SPATA17: variants seen among roughly 807,000 people sequenced by gnomAD.
SPATA17 encodes the protein spermatogenesis associated 17.
In SPATA17, 53 loss-of-function variants were observed where a neutral mutation model predicts 62.2. The ratio of observed to expected loss-of-function variants is 0.85; its 90% confidence interval spans 0.68 to 1.07. The LOEUF (loss-of-function observed/expected upper bound fraction) is 1.07. SPATA17 is among the 50% of genes least tolerant of loss of function. The pLI is 0.00. For missense variants in SPATA17, 466 were observed against 425.5 expected (o/e 1.10, Z -0.84); for synonymous variants, 146 against 146.8 (o/e 0.99, Z 0.04).
chr1:217,762,761 C>T (rs1252199701), intron 6 of SPATA17, among the ~76,000 whole-genome samples: 2 of 152,168 alleles, frequency 1.3e-5, no homozygotes, highest in African/African-American at 4.8e-5. Context: ...CACCTGAGGT[C>T]AGGAGTTTGA....
intron 3 of SPATA17, among the ~76,000 whole-genome samples, chr1:217,656,189 G>A (rs896821799): frequency 3.9e-5 from 6 of 152,048 alleles, no homozygotes; most frequent in Admixed American, 6.6e-5. Context: ...AGGCTGAGAC[G>A]TCTTTTTAAT....
chr1:217,701,148 T>C (rs539913475), intron 5 of SPATA17, among the ~76,000 whole-genome samples: 4 of 151,126 alleles, frequency 2.6e-5, no homozygotes, highest in Non-Finnish European at 4.4e-5. Context: ...CTAGTTTTTG[T>C]ATTTTTTGTG....
rs903715695 is a variant in SPATA17 at position 217,846,690 on chromosome 1, A to G, written c.1006-16084A>G. The stretch of plus-strand genomic sequence containing the variant: ...CACATCAGAACGTCATGTTATATAT[A>G]CTTGCTACTTTTGTACCTGATTTAT... On this transcript the variant is annotated intron_variant, in intron 9 of 10. Coordinates refer to ENST00000366933, the MANE Select transcript of SPATA17 (RefSeq NM_138796.4). Among the ~76,000 whole-genome samples, 3 of 151,982 alleles carry G rather than the reference A, an allele frequency of 2.0e-5. No individual in the cohort carries two copies. The East Asian group carries it at 5.8e-4, about 29-fold the overall frequency.
At chr1:217,699,413 C>A in intron 5 of SPATA17, among the ~76,000 whole-genome samples, 1 of 152,094 alleles carries the variant, frequency 6.6e-6, no homozygotes, top group East Asian at 1.9e-4. Flanking sequence ...TAGGTATGTA[C>A]TGATACATTC....
chr1:217,837,727 C>T (rs1675293760), intron 9 of SPATA17, among the ~76,000 whole-genome samples: 1 of 152,044 alleles, frequency 6.6e-6, no homozygotes, highest in South Asian at 2.1e-4. Context: ...CTTACATTAT[C>T]TTCACTGATT....
At chr1:217,819,984 A>T (rs547924281) in intron 9 of SPATA17, among the ~76,000 whole-genome samples, 74 of 152,180 alleles carry the variant, frequency 4.9e-4, no homozygotes, top group African/African-American at 1.8e-3. Context: ...TACCCCAGAG[A>T]AAAAGGTCAT....
At chr1:217,653,527 A>G (rs944096484) in intron 3 of SPATA17, among the ~76,000 whole-genome samples, 58 of 152,212 alleles carry the variant, frequency 3.8e-4, no homozygotes, top group Non-Finnish European at 4.0e-4. Flanking sequence ...AGTTAAATAT[A>G]TACTCTTCTA....
At chr1:217,860,402 G>A (rs1675875156) in intron 9 of SPATA17, among the ~76,000 whole-genome samples, 2 of 152,076 alleles carry the variant, frequency 1.3e-5, no homozygotes, top group Non-Finnish European at 2.9e-5. Flanking sequence ...GTCTATAGAT[G>A]TCAATTATAT....
intron 5 of SPATA17, among the ~76,000 whole-genome samples, chr1:217,712,965 G>A (rs1390613441): frequency 1.3e-5 from 2 of 152,110 alleles, no homozygotes; most frequent in South Asian, 4.1e-4. Context: ...GACTTGCAGG[G>A]CAATGCAGCT....
intron 5 of SPATA17, among the ~76,000 whole-genome samples, chr1:217,711,985 A>G (rs1040052307): frequency 6.6e-6 from 1 of 152,138 alleles, no homozygotes; most frequent in Non-Finnish European, 1.5e-5. Flanking sequence ...TAGATCCAGC[A>G]GTACATTTTT....
intron 6 of SPATA17, among the ~76,000 whole-genome samples, chr1:217,757,543 C>G (rs1361129053): frequency 6.6e-6 from 1 of 152,158 alleles, no homozygotes; most frequent in African/African-American, 2.4e-5. Flanking sequence ...TGCAAACCCA[C>G]TCCTTCTTCC....
chr1:217,677,084 T>C lies in SPATA17; in HGVS notation c.292-6174T>C, dbSNP rs891870434. On this transcript the variant is annotated intron_variant, in intron 4 of 10. Transcript: ENST00000366933. ...TTTGTTCAGATTGAAATGCTCACAT[T>C]TAGGGAAACAGAAGCAATAGTAACA... 2.6e-5 allele frequency among the ~76,000 whole-genome samples: 4 copies of C among 152,080 alleles called. No individual in the cohort carries two copies. In the South Asian group the frequency reaches 8.3e-4, roughly 31 times the overall value.
chr1:217,854,924 A>G (rs765518920), intron 9 of SPATA17, among the ~76,000 whole-genome samples: 5 of 152,212 alleles, frequency 3.3e-5, no homozygotes, highest in Non-Finnish European at 7.3e-5. Context: ...ACATTTGTCA[A>G]GTCCCTACTT....
chr1:217,690,333 T>A (rs1215353161), intron 5 of SPATA17, among the ~76,000 whole-genome samples: 2 of 152,126 alleles, frequency 1.3e-5, no homozygotes, highest in African/African-American at 2.4e-5. Context: ...CTCTGGATAG[T>A]TTCTTCAGAT....
intron 7 of SPATA17, 125 bp from the exon 8 acceptor site, chr1:217,782,049 A>T (rs1673739460): frequency 1.1e-6 from 1 of 895,706 alleles, no homozygotes; most frequent in African/African-American, 1.7e-5. Flanking sequence ...AGCGAAGAAC[A>T]AATGGTGTTT....
rs138277978 is a variant in SPATA17, at chr1:217,798,769, A to T, written c.873-2949A>T. Among the ~76,000 whole-genome samples, 324 of 151,974 alleles carry T rather than the reference A, an allele frequency of 2.1e-3. 2 individuals carry two copies. The highest frequency in any genetic ancestry group is 7.4e-3 in the African/African-American group (305 of 41,456). Reference sequence around the variant, plus strand: ...ATTCTCAGTTGCATGGAGATGCAACATCCATCATAGAGAAGTTAAGTAAGA... The same window carrying T: ...ATTCTCAGTTGCATGGAGATGCAACTTCCATCATAGAGAAGTTAAGTAAGA... On this transcript the variant is annotated intron_variant, in intron 8 of 10. Coordinates refer to ENST00000366933, the MANE Select transcript of SPATA17 (RefSeq NM_138796.4).
chr1:217,738,643 A>G (rs1672564550), intron 5 of SPATA17, among the ~76,000 whole-genome samples: 1 of 152,254 alleles, frequency 6.6e-6, no homozygotes, highest in Admixed American at 6.5e-5. Context: ...TGTTATAACC[A>G]GGTGCCATTT....
intron 3 of SPATA17, among the ~76,000 whole-genome samples, chr1:217,662,951 G>T (rs938430489): frequency 3.3e-5 from 5 of 151,856 alleles, no homozygotes; most frequent in African/African-American, 9.7e-5. Context: ...TTTCCTTAGG[G>T]TCTAAACTTC....
At chr1:217,805,903 T>C (rs12063034) in intron 9 of SPATA17, among the ~76,000 whole-genome samples, 4,933 of 152,284 alleles carry the variant, frequency 0.032, 230 homozygotes, top group African/African-American at 0.11. Context: ...ATTTAATTTG[T>C]CAATTATACC....
Sources: allele counts gnomAD v4.1 joint callset (sites outside exome capture counted in the v4.1 genomes callset), GRCh38; gene constraint gnomAD v4.1.1; transcripts MANE v1.5; gene names NCBI Gene and HGNC (gene_info 2026-07-23, HGNC 2026-07-21).